The following CNTFR variants were observed in gnomAD, a reference collection of about 807,000 sequenced individuals.
CNTFR encodes ciliary neurotrophic factor receptor subunit alpha.
A neutral mutation model predicts 40.4 loss-of-function variants in CNTFR; 12 were observed. The observed-to-expected ratio is 0.30, with a 90% confidence interval of 0.19 to 0.48. The LOEUF (loss-of-function observed/expected upper bound fraction) is 0.48. CNTFR is among the 20% of genes least tolerant of loss of function. The pLI is 0.99. For synonymous variants in CNTFR, 202 were observed against 209.6 expected, an observed-to-expected ratio of 0.96 and a Z score of 0.31; for missense variants, 414 against 506.8, an observed-to-expected ratio of 0.82 and a Z score of 1.76.
At chr9:34,571,658 T>C (rs1826662576) in intron 2 of CNTFR, among the ~76,000 whole-genome samples, 2 of 151,880 alleles carry the variant, frequency 1.3e-5, no homozygotes, top group Non-Finnish European at 2.9e-5. Flanking sequence ...TGAGTTACTG[T>C]AAGGGCCGGG....
chr9:34,558,786 C>T (rs886252588), intron 4 of CNTFR, among the ~76,000 whole-genome samples: 1 of 152,168 alleles, frequency 6.6e-6, no homozygotes, highest in African/African-American at 2.4e-5. Flanking sequence ...GCTGCCCTCA[C>T]TCTGGAATAG....
In CNTFR at chr9:34,557,857, A is replaced by G; in HGVS notation, c.437+10T>C. 6.4e-7 allele frequency: 1 copy of G among 1,557,580 alleles called. No individual in the cohort carries two copies. Among genetic ancestry groups the G allele is most frequent in the Non-Finnish European group, 8.7e-7 (1 of 1,148,968 alleles). ...AGGGCTGGACCCGGGTCACAGGCGC[A>G]GCTACTCACAGCACAGTCACATTGA... On this transcript the variant is annotated intron_variant, in intron 5 of 9. Coordinates refer to ENST00000378980, the MANE Select transcript of CNTFR (RefSeq NM_147164.3). This position sits in a 1 kb window ranked among gnomAD's most constrained non-coding sequence, Gnocchi z 4.2.
At chr9:34,583,226 C>T (rs1323266096) in intron 1 of CNTFR, among the ~76,000 whole-genome samples, 2 of 152,216 alleles carry the variant, frequency 1.3e-5, no homozygotes, top group African/African-American at 4.8e-5. Flanking sequence ...AGGAGGGATA[C>T]CCATCTCCCT....
At chr9:34,587,898 C>T (rs1366999587) in intron 1 of CNTFR, among the ~76,000 whole-genome samples, 1 of 152,008 alleles carries the variant, frequency 6.6e-6, no homozygotes, top group African/African-American at 2.4e-5. Flanking sequence ...GAGCAGAGTT[C>T]CAATGTGAGT....
chr9:34,569,025 AG>A, intron 2 of CNTFR, 44 bp from the exon 3 acceptor site: 1 of 1,518,298 alleles, frequency 6.6e-7, no homozygotes, highest in Non-Finnish European at 8.9e-7. Context: ...GCATCAGCCC[AG>A]GCAGGACTGT....
chr9:34,564,468 C>G (rs1826194047), intron 4 of CNTFR, 131 bp downstream of exon 4: 1 of 879,752 alleles, frequency 1.1e-6, no homozygotes, highest in South Asian at 1.6e-5. Context: ...AGGACAAAAT[C>G]AGAGGGCAAG....
intron 1 of CNTFR, among the ~76,000 whole-genome samples, chr9:34,586,073 T>C (rs1448266351): frequency 6.6e-6 from 1 of 152,126 alleles, no homozygotes; most frequent in Non-Finnish European, 1.5e-5. Context: ...GTCCCTACTG[T>C]GTGGGCTCCC....
chr9:34,565,931 G>C (rs1826265846), intron 3 of CNTFR, among the ~76,000 whole-genome samples: 2 of 151,730 alleles, frequency 1.3e-5, no homozygotes, highest in Non-Finnish European at 1.5e-5. Context: ...AAGGGAAGGG[G>C]GAGAGGGCAG....
At position 34,569,115 on chromosome 9, in the gene CNTFR, G is replaced by A; in HGVS notation, c.1-134C>T. 4 of 750,682 alleles carry A rather than the reference G, an allele frequency of 5.3e-6. No homozygotes were observed. In the South Asian group the frequency reaches 7.0e-5, roughly 13 times the overall value. The allele number at this position is 750,682 out of a possible 1,614,324, so 46.5% of individuals were successfully genotyped here. ...CCCTGGAGAGGCCCTCACCCGCTCT[G>A]CTTTCACCCAACCCGACTGACACGG... On this transcript the variant is annotated intron_variant, in intron 2 of 9. Transcript: ENST00000378980.
Position 34,556,293 on chromosome 9 carries a change from G to A in CNTFR, c.730C>T (p.Leu244=). The A allele has an allele frequency of 6.2e-7, 1 of 1,613,692 alleles. No individual in the cohort carries two copies. Among genetic ancestry groups the A allele is most frequent in the Non-Finnish European group, 8.5e-7 (1 of 1,179,882 alleles). ...TCCAGGATGAGGGGTCGGTAGCGCA[G>A]AAAGAACTTGAGAGGAAAAGACTCA... ...DPESFPLKFF[L]RYRPLILDQW... The change falls in exon 7 of 10, where the codon CTG becomes TTG. Residue 244 remains leucine, a synonymous_variant. Coordinates refer to ENST00000378980, the MANE Select transcript of CNTFR (RefSeq NM_147164.3).
At chr9:34,560,251 T>C (rs1215316293) in intron 4 of CNTFR, among the ~76,000 whole-genome samples, 1 of 151,854 alleles carries the variant, frequency 6.6e-6, no homozygotes, top group Non-Finnish European at 1.5e-5. Flanking sequence ...GTGTTGTGAG[T>C]TGGAGGAAAA....
chr9:34,564,846 G>A lies in CNTFR; in HGVS notation c.86-14C>T. On this transcript the variant is annotated splice_polypyrimidine_tract_variant and intron_variant, in intron 3 of 9. Coordinates refer to ENST00000378980, the MANE Select transcript of CNTFR (RefSeq NM_147164.3). ...CATGGGGTGCCTCTGTGGGGGGTGG[G>A]GGCACAGGGCAAAAGTCACAGGTCA... The A allele has an allele frequency of 6.2e-7, 1 of 1,609,618 alleles. No individual in the cohort carries two copies. The highest frequency in any genetic ancestry group is 8.5e-7 in the Non-Finnish European group (1 of 1,178,078).
chr9:34,554,646 TC>T (rs1175009016), intron 7 of CNTFR, among the ~76,000 whole-genome samples: 1 of 152,172 alleles, frequency 6.6e-6, no homozygotes, highest in Non-Finnish European at 1.5e-5. Context: ...AGTACTTGCC[TC>T]CCTCTTGTCC....
Position 34,564,774 on chromosome 9 carries a change from T to C in CNTFR, c.144A>G (p.Thr48=), listed in dbSNP as rs752581038. 3.7e-6 allele frequency: 6 copies of C among 1,614,090 alleles called. No homozygotes were observed. The highest frequency in any genetic ancestry group is 4.2e-6 in the Non-Finnish European group (5 of 1,180,012). The part of the protein sequence containing the change: ...LGSDVTLPCG[T]ANWDAAVTWR... The stretch of plus-strand genomic sequence containing the variant: ...ACGTCACCGCAGCATCCCAGTTTGC[T>C]GTCCCACATGGCAGTGTCACGTCAG... Residue 48 remains threonine (T), a synonymous_variant, in exon 4 of 10, where the codon ACA becomes ACG. Coordinates refer to ENST00000378980, the MANE Select transcript of CNTFR (RefSeq NM_147164.3).
At chr9:34,578,310 G>C (rs189951939) in intron 2 of CNTFR, among the ~76,000 whole-genome samples, 4 of 152,366 alleles carry the variant, frequency 2.6e-5, no homozygotes, top group African/African-American at 9.6e-5. Flanking sequence ...GGGAGAGTGA[G>C]GGACGGCATG....
At chr9:34,566,349 A>G in intron 3 of CNTFR, among the ~76,000 whole-genome samples, 1 of 151,948 alleles carries the variant, frequency 6.6e-6, no homozygotes. Flanking sequence ...AGCCCTGACC[A>G]CTCATCTGTG....
rs972202923 is a variant in CNTFR, at chr9:34,589,003, T to C, written c.-112+552A>G. 7.2e-5 allele frequency among the ~76,000 whole-genome samples: 11 copies of C among 151,974 alleles called. No individual in the cohort carries two copies. Among genetic ancestry groups the C allele is most frequent in the Non-Finnish European group, 1.2e-4 (8 of 67,998 alleles). Reference sequence around the variant, plus strand: ...CTGGAGGAGACCCACTACATGGAGATACATCCAGGCGGACTGAAGAGAAAA... The same window carrying C: ...CTGGAGGAGACCCACTACATGGAGACACATCCAGGCGGACTGAAGAGAAAA... On this transcript the variant is annotated intron_variant, in intron 1 of 9. Coordinates refer to ENST00000378980, the MANE Select transcript of CNTFR (RefSeq NM_147164.3). This position sits in a 1 kb window ranked among gnomAD's most constrained non-coding sequence, Gnocchi z 4.4.
At chr9:34,572,305 G>T (rs1222206670) in intron 2 of CNTFR, among the ~76,000 whole-genome samples, 1 of 152,068 alleles carries the variant, frequency 6.6e-6, no homozygotes, top group Non-Finnish European at 1.5e-5. Context: ...CCTCCATCCT[G>T]CCCTGGCTCA....
chr9:34,582,530 A>G (rs569971171), intron 1 of CNTFR: 2 of 152,314 alleles, frequency 1.3e-5, no homozygotes, highest in African/African-American at 4.8e-5. Flanking sequence ...TCCCTTGAAA[A>G]CAGGTCCCAG....
Sources: gnomAD v4.1 joint callset for allele counts (sites outside exome capture counted in the v4.1 genomes callset) on GRCh38, gnomAD v4.1.1 for gene constraint, Gnocchi (gnomAD v3.1) non-coding constraint, MANE v1.5 for transcripts, NCBI Gene and HGNC (gene_info 2026-07-23, HGNC 2026-07-21) for gene names.